Variants in CFAP69 observed in about 807,000 individuals in gnomAD.
The protein encoded by CFAP69 is cilia and flagella associated protein 69.
In CFAP69, 92 loss-of-function variants were observed where a neutral mutation model predicts 123.0. The observed-to-expected ratio is 0.75, with a 90% CI of 0.63 to 0.89. CFAP69 has a LOEUF of 0.89. CFAP69 is among the 40% of genes least tolerant of loss of function. The pLI is 0.00. For missense variants in CFAP69, 1,067 were observed against 1,096.9 expected, an observed-to-expected ratio of 0.97 and a Z score of 0.39; for synonymous variants, 380 against 364.3, an observed-to-expected ratio of 1.04 and a Z score of -0.49.
intron 3 of CFAP69, among the ~76,000 whole-genome samples, chr7:90,261,389 G>T (rs563101085): frequency 2.0e-5 from 3 of 151,948 alleles, no homozygotes; most frequent in Admixed American, 6.6e-5. Flanking sequence ...TAAAATAAAA[G>T]ATGCTTTTAT....
chr7:90,272,460 C>A (rs1800094648), intron 8 of CFAP69, among the ~76,000 whole-genome samples: 1 of 151,914 alleles, frequency 6.6e-6, no homozygotes, highest in Non-Finnish European at 1.5e-5. Context: ...GAGGGATGGA[C>A]AAGTAAATAG....
chr7:90,316,543 T>C, the CFAP69 span: 1 of 152,220 alleles, frequency 6.6e-6, no homozygotes, highest in African/African-American at 2.4e-5. Flanking sequence ...GAGTCAAAGA[T>C]TACGTCTGGA....
At chr7:90,314,496 G>T (rs1478661156), downstream of CFAP69, among the ~76,000 whole-genome samples, 2 of 151,798 alleles carry the variant, frequency 1.3e-5, no homozygotes, top group African/African-American at 4.8e-5. Context: ...TGGTGGTGTA[G>T]ACCACAACCG....
Position 90,310,125 on chromosome 7 carries a change from C to T in CFAP69, c.2713C>T (p.Pro905Ser), listed in dbSNP as rs868125980. The T allele has an allele frequency of 1.9e-6, 3 of 1,613,866 alleles. No homozygotes were observed. Among genetic ancestry groups the T allele is most frequent in the African/African-American group, 2.7e-5 (2 of 74,996 alleles). Residue 905 changes from proline (P) to serine (S), a missense_variant, in exon 23 of 23, where the codon CCT (proline) becomes TCT (serine). Coordinates refer to ENST00000389297, the MANE Select transcript of CFAP69 (RefSeq NM_001039706.3). The part of the protein sequence containing the change: ...ESTPARLVGG[P>S]LVDTDIALKK... ...CACTCCTGCCCGATTAGTAGGAGGA[C>T]CTCTGGTTGATACGGATATTGCTCT... is the stretch of plus-strand genomic sequence containing the variant.
the CFAP69 span, chr7:90,319,685 C>T: frequency 1.5e-5 from 6 of 398,402 alleles, no homozygotes; most frequent in Non-Finnish European, 4.4e-6. Flanking sequence ...TCAGCATTAA[C>T]CAGATTGATC....
At chr7:90,268,974 A>G (rs1799556888) in intron 6 of CFAP69, 1 of 152,080 alleles carries the variant, frequency 6.6e-6, no homozygotes, top group Admixed American at 6.6e-5. Context: ...ATAATTTCTT[A>G]AGTTATATGA....
At position 90,283,846 on chromosome 7, in the gene CFAP69, G is replaced by T. The variant is rs570562008; in HGVS notation, c.1537+790G>T. On this transcript the variant is annotated intron_variant, in intron 13 of 22. Transcript: ENST00000389297. ...AATCTTCTACTTGTTAAATTAAGGT[G>T]GTTACTCTTCCATCACTAGTGGAGT... 7.2e-5 allele frequency among the ~76,000 whole-genome samples: 11 copies of T among 152,040 alleles called. No individual in the cohort carries two copies. The South Asian group carries it at 2.3e-3, about 32-fold the overall frequency.
At chr7:90,258,262 A>G in intron 3 of CFAP69, 99 bp downstream of exon 3, 1 of 875,806 alleles carries the variant, frequency 1.1e-6, no homozygotes, top group Non-Finnish European at 1.7e-6. Flanking sequence ...GTAACAAATT[A>G]CCATAAATTT....
intron 15 of CFAP69, among the ~76,000 whole-genome samples, chr7:90,294,676 T>G (rs936812633): frequency 1.3e-5 from 2 of 152,226 alleles, no homozygotes; most frequent in Admixed American, 6.5e-5. Context: ...CTGACCAGTT[T>G]GCTGGGCCAT....
chr7:90,299,520 A>G (rs896788872), intron 16 of CFAP69, among the ~76,000 whole-genome samples: 21 of 152,196 alleles, frequency 1.4e-4, no homozygotes, highest in African/African-American at 5.1e-4. Flanking sequence ...TCCTGTAATT[A>G]CAGTGAACTC....
At position 90,245,276 on chromosome 7, in the gene CFAP69, C is replaced by G. The variant is rs1796191199; in HGVS notation, c.-149C>G. Reference sequence around the variant, plus strand: ...GCGGACTGTATGGCGGTGGCCTAGGCCCCTGGCGGAATTTTGGGACCTTTC... The same window carrying G: ...GCGGACTGTATGGCGGTGGCCTAGGGCCCTGGCGGAATTTTGGGACCTTTC... On this transcript the variant is annotated 5_prime_UTR_variant, in exon 1 of 23. Transcript: ENST00000389297. The G allele has an allele frequency of 3.6e-6, 4 of 1,103,706 alleles. No homozygotes were observed. In the Admixed American group the frequency reaches 1.6e-4, roughly 44 times the overall value. 68.4% of individuals were successfully genotyped at this position (1,103,706 alleles called of 1,614,324 possible).
intron 15 of CFAP69, among the ~76,000 whole-genome samples, chr7:90,292,689 T>C (rs2117226246): frequency 6.6e-6 from 1 of 152,316 alleles, no homozygotes; most frequent in East Asian, 1.9e-4. Context: ...GCTCCAAAGA[T>C]GAGTTGTCTT....
chr7:90,289,932 A>G (rs1790878107), intron 15 of CFAP69, among the ~76,000 whole-genome samples: 1 of 152,078 alleles, frequency 6.6e-6, no homozygotes, highest in African/African-American at 2.4e-5. Context: ...ATATATTTGG[A>G]TCTATTTCTA....
intron 1 of CFAP69, among the ~76,000 whole-genome samples, chr7:90,252,666 T>C (rs2116590973): frequency 6.6e-6 from 1 of 152,262 alleles, no homozygotes; most frequent in Admixed American, 6.5e-5. Flanking sequence ...AGTAAGACTC[T>C]ATGTCAAAAA....
intron 1 of CFAP69, chr7:90,252,138 G>GTGTGTGTGTGTGTGTGTGTGTGTGTT (rs1360943185): frequency 6.6e-6 from 1 of 151,626 alleles, no homozygotes; most frequent in East Asian, 1.9e-4. Flanking sequence ...GTGTGTGTGT[G>GTGTGTGTGTGTGTGTGTGTGTGTGTT]TGTGTGTGCA....
chr7:90,302,065 CTAA>C (rs1192235224), intron 17 of CFAP69: 2 of 152,160 alleles, frequency 1.3e-5, no homozygotes, highest in East Asian at 3.8e-4. Context: ...TTGAATTTTT[CTAA>C]TAATCAGTGA....
Position 90,279,797 on chromosome 7 carries a change from A to T in CFAP69, c.1276A>T (p.Thr426Ser), listed in dbSNP as rs767887680. ...AGAATTACAACTGCATGCAATTGCC[A>T]CTTTGTCATCAGTGGCTCCTTTATT... ...HEELQLHAIA[T>S]LSSVAPLLIE... Residue 426 changes from threonine (T) to serine (S), a missense_variant, in exon 12 of 23, where the codon ACT (threonine) becomes TCT (serine). By Grantham distance (58) the Thr-to-Ser change is moderately conservative (BLOSUM62 1). Coordinates refer to ENST00000389297, the MANE Select transcript of CFAP69 (RefSeq NM_001039706.3). 1 of 1,613,114 alleles carries T rather than the reference A, an allele frequency of 6.2e-7. No individual in the cohort carries two copies. The highest frequency in any genetic ancestry group is 1.7e-5 in the Admixed American group (1 of 59,624).
intron 13 of CFAP69, among the ~76,000 whole-genome samples, chr7:90,284,873 A>T (rs1790036375): frequency 6.6e-6 from 1 of 152,226 alleles, no homozygotes; most frequent in Non-Finnish European, 1.5e-5. Flanking sequence ...TGAGTGATTG[A>T]CAGTAGTTCG....
At chr7:90,311,439 C>A (rs1794319626), downstream of CFAP69, among the ~76,000 whole-genome samples, 1 of 152,212 alleles carries the variant, frequency 6.6e-6, no homozygotes, top group Admixed American at 6.5e-5. Context: ...ACATCATGTT[C>A]TCACCAATTC....
Sources: gnomAD v4.1 joint callset for allele counts (sites outside exome capture counted in the v4.1 genomes callset) on GRCh38, gnomAD v4.1.1 for gene constraint, MANE v1.5 for transcripts, NCBI Gene and HGNC (gene_info 2026-07-23, HGNC 2026-07-21) for gene names.